SPRED2: variants seen among roughly 807,000 people sequenced by gnomAD.
SPRED2 encodes the protein sprouty-related, EVH1 domain-containing protein 2.
A neutral mutation model predicts 43.0 loss-of-function variants in SPRED2; 47 were observed. That is an observed-to-expected ratio of 1.09 (90% confidence interval 0.87 to 1.40). The LOEUF is 1.40. Ranked by LOEUF, SPRED2 falls within the 40% of genes most tolerant of loss-of-function variation. The probability of loss-of-function intolerance (pLI) is 0.00; values close to 1 mark genes in which losing one functional copy is unlikely to be tolerated. For synonymous variants in SPRED2, 225 were observed against 225.7 expected, an observed-to-expected ratio of 1.00 and a Z score of 0.03; for missense variants, 561 against 586.4, an observed-to-expected ratio of 0.96 and a Z score of 0.45.
At chr2:65,379,373 T>C (rs1209006746) in intron 1 of SPRED2, among the ~76,000 whole-genome samples, 1 of 152,102 alleles carries the variant, frequency 6.6e-6, no homozygotes, top group African/African-American at 2.4e-5. Context: ...CCCTAACAGC[T>C]GGTCTTATTC....
intron 1 of SPRED2, among the ~76,000 whole-genome samples, chr2:65,405,305 T>C (rs775547518): frequency 5.9e-5 from 9 of 152,252 alleles, no homozygotes; most frequent in East Asian, 1.9e-4. Context: ...GTGATAGTGA[T>C]AGAGGAAGTC....
intron 4 of SPRED2, among the ~76,000 whole-genome samples, 162 bp downstream of exon 4, chr2:65,331,825 A>G (rs1673819963): frequency 2.0e-5 from 3 of 152,180 alleles, no homozygotes; most frequent in African/African-American, 7.2e-5. Context: ...ACAGGGACAA[A>G]CCCAGCCTGA....
intron 4 of SPRED2, among the ~76,000 whole-genome samples, chr2:65,328,232 C>T (rs947794107): frequency 6.6e-6 from 1 of 152,192 alleles, no homozygotes; most frequent in African/African-American, 2.4e-5. Flanking sequence ...AGGGGAACCT[C>T]AGACCTCCAG....
At chr2:65,398,928 G>C (rs550154868) in intron 1 of SPRED2, among the ~76,000 whole-genome samples, 3 of 152,266 alleles carry the variant, frequency 2.0e-5, no homozygotes, top group Admixed American at 1.3e-4. Flanking sequence ...AGCACAATGC[G>C]CAACTGCAAA....
At chr2:65,425,499 A>C (rs1476271606) in intron 1 of SPRED2, among the ~76,000 whole-genome samples, 1 of 152,254 alleles carries the variant, frequency 6.6e-6, no homozygotes, top group African/African-American at 2.4e-5. Flanking sequence ...AATGTTGATA[A>C]AGGTTACATG....
At chr2:65,346,662 C>T (rs1439546993) in intron 1 of SPRED2, among the ~76,000 whole-genome samples, 1 of 152,120 alleles carries the variant, frequency 6.6e-6, no homozygotes, top group East Asian at 1.9e-4. Flanking sequence ...CTCTGTGGCC[C>T]ATTCTCCCAG....
chr2:65,361,057 C>A (rs1398083425), intron 1 of SPRED2, among the ~76,000 whole-genome samples: 1 of 152,090 alleles, frequency 6.6e-6, no homozygotes, highest in East Asian at 1.9e-4. Context: ...TTAAAAAATT[C>A]TTTTAAAAGA....
At chr2:65,383,356 G>C (rs1310982320) in intron 1 of SPRED2, among the ~76,000 whole-genome samples, 2 of 152,250 alleles carry the variant, frequency 1.3e-5, no homozygotes, top group Non-Finnish European at 2.9e-5. Flanking sequence ...GGAAGATGCT[G>C]TAAGAACAAG....
chr2:65,315,579 C>G (rs558721456), intron 5 of SPRED2, among the ~76,000 whole-genome samples: 2 of 152,316 alleles, frequency 1.3e-5, no homozygotes, highest in East Asian at 3.9e-4. Flanking sequence ...CGGAAACTGA[C>G]ACGGGCTTTA....
At chr2:65,412,905 T>A (rs781703058) in intron 1 of SPRED2, among the ~76,000 whole-genome samples, 36 of 152,222 alleles carry the variant, frequency 2.4e-4, no homozygotes, top group Non-Finnish European at 4.6e-4. Context: ...CAACCCTGTG[T>A]CTCATTGCAT....
chr2:65,332,803 T>G (rs1673852726), intron 3 of SPRED2, among the ~76,000 whole-genome samples: 1 of 152,212 alleles, frequency 6.6e-6, no homozygotes, highest in African/African-American at 2.4e-5. Context: ...CAGGTACAAC[T>G]GCCCTACTTC....
intron 1 of SPRED2, among the ~76,000 whole-genome samples, chr2:65,347,609 G>A (rs1347658274): frequency 2.0e-5 from 3 of 152,078 alleles, no homozygotes; most frequent in Non-Finnish European, 4.4e-5. Context: ...CTGTAACTGT[G>A]GTTAAGCCAT....
intron 1 of SPRED2, among the ~76,000 whole-genome samples, chr2:65,386,050 G>A (rs368464072): frequency 3.4e-4 from 51 of 152,218 alleles, no homozygotes; most frequent in African/African-American, 1.2e-3. Context: ...TTTGGGAAGC[G>A]GGGGCGGGAG....
At chr2:65,338,866 C>T (rs1674070118) in intron 2 of SPRED2, among the ~76,000 whole-genome samples, 1 of 151,570 alleles carries the variant, frequency 6.6e-6, no homozygotes, top group Non-Finnish European at 1.5e-5. Context: ...CGCCTCCTCC[C>T]GGCCGCCATC....
At chr2:65,428,153 C>T (rs370329551) in intron 1 of SPRED2, among the ~76,000 whole-genome samples, 31 of 152,270 alleles carry the variant, frequency 2.0e-4, no homozygotes, top group African/African-American at 7.0e-4. Flanking sequence ...ATCTCAGTGC[C>T]CTGCAAAGAG....
chr2:65,394,371 C>T (rs546826946), intron 1 of SPRED2, among the ~76,000 whole-genome samples: 1 of 152,314 alleles, frequency 6.6e-6, no homozygotes, highest in East Asian at 1.9e-4. Context: ...TGGCGCCCTG[C>T]ACAGACCACT....
chr2:65,428,094 C>A (rs1676596447), intron 1 of SPRED2, among the ~76,000 whole-genome samples: 1 of 152,218 alleles, frequency 6.6e-6, no homozygotes, highest in Admixed American at 6.5e-5. Context: ...GGGGGTAATA[C>A]CTTCTTCACA....
At chr2:65,309,497 C>T (rs1194729101), downstream of SPRED2, among the ~76,000 whole-genome samples, 11 of 138,114 alleles carry the variant, frequency 8.0e-5, no homozygotes, top group African/African-American at 3.0e-4. Context: ...CAGAGTGAGA[C>T]CCTGTCTCAA....
In SPRED2 at chr2:65,334,491, G is replaced by A. The variant is rs896396814; in HGVS notation, c.373+114C>T. 14 of 1,337,386 alleles carry A rather than the reference G, an allele frequency of 1.0e-5. No individual in the cohort carries two copies. In the African/African-American group the frequency reaches 1.9e-4, roughly 18 times the overall value. 82.8% of individuals were successfully genotyped at this position (1,337,386 alleles called of 1,614,324 possible). A position where few individuals can be genotyped will look rare whatever the true frequency, so the allele number is the denominator to read the frequency against. ...AAAAGTTTTGGCATCTACTGACCTGGTCCCAAACCCTCCCGCAAATAAACC... is the reference window on the plus strand; with the variant it reads ...AAAAGTTTTGGCATCTACTGACCTGATCCCAAACCCTCCCGCAAATAAACC... On this transcript the variant is annotated intron_variant, in intron 3 of 5. Coordinates refer to ENST00000356388, the MANE Select transcript of SPRED2 (RefSeq NM_181784.3).
Sources: gnomAD v4.1 joint callset for allele counts (sites outside exome capture counted in the v4.1 genomes callset) on GRCh38, gnomAD v4.1.1 for gene constraint, MANE v1.5 for transcripts, NCBI Gene and HGNC (gene_info 2026-07-23, HGNC 2026-07-21) for gene names.